CBFA2T2: variants seen among roughly 807,000 people sequenced by gnomAD.
CBFA2T2 encodes the protein CBFA2/RUNX1 partner transcriptional co-repressor 2.
In CBFA2T2, 11 loss-of-function variants were observed where a neutral mutation model predicts 62.2. The observed-to-expected ratio is 0.18, with a 90% confidence interval of 0.11 to 0.29. The LOEUF (loss-of-function observed/expected upper bound fraction) is 0.29, where lower values mean the gene tolerates loss of function less well. Ranked by LOEUF, CBFA2T2 falls within the 10% of genes least tolerant of loss-of-function variation. The pLI is 1.00. For missense variants in CBFA2T2, 592 were observed against 774.1 expected (o/e 0.76, Z 2.79); for synonymous variants, 295 against 287.5 (o/e 1.03, Z -0.27).
chr20:33,621,035 G>A (rs1443737212), intron 4 of CBFA2T2, among the ~76,000 whole-genome samples: 1 of 152,210 alleles, frequency 6.6e-6, no homozygotes, highest in East Asian at 1.9e-4. Flanking sequence ...GCATTTTGTT[G>A]TCACGTCTCT....
At position 33,629,849 on chromosome 20, in the gene CBFA2T2, G is replaced by A; in HGVS notation, c.1163G>A (p.Arg388Lys). 1 of 1,614,140 alleles carries A rather than the reference G, an allele frequency of 6.2e-7. No individual in the cohort carries two copies. The highest frequency in any genetic ancestry group is 1.6e-4 in the Middle Eastern group (1 of 6,062). The change falls in exon 8 of 11, where the codon AGG (arginine) becomes AAG (lysine). Residue 388 changes from arginine to lysine, a missense_variant. This residue lies in a region of CBFA2T2 where 449 missense variants were observed against 551.2 expected (regional missense o/e 0.81). Coordinates refer to ENST00000342704, the MANE Select transcript of CBFA2T2 (RefSeq NM_001032999.3). ...CGGTACAATGAAAACACAGAGCTGAGGAAAACGGGGACCGAGTTGGTCTCC... is the reference window on the plus strand; with the variant it reads ...CGGTACAATGAAAACACAGAGCTGAAGAAAACGGGGACCGAGTTGGTCTCC... ...KRRYNENTEL[R>K]KTGTELVSRQ...
At chr20:33,579,109 T>G (rs1380867371) in intron 1 of CBFA2T2, among the ~76,000 whole-genome samples, 2 of 148,290 alleles carry the variant, frequency 1.3e-5, no homozygotes, top group African/African-American at 2.5e-5. Context: ...TTGGGGGTTT[T>G]TTTTTGTTTT....
At chr20:33,503,256 T>TTC (rs201825926) in intron 1 of CBFA2T2, among the ~76,000 whole-genome samples, 13,443 of 80,712 alleles carry the variant, frequency 0.17, 689 homozygotes, top group African/African-American at 0.36. Context: ...CTTTCTTTCT[T>TTC]TTTTTTTTTT....
At chr20:33,515,625 A>G (rs749282123) in intron 1 of CBFA2T2, among the ~76,000 whole-genome samples, 1 of 151,716 alleles carries the variant, frequency 6.6e-6, no homozygotes, top group Non-Finnish European at 1.5e-5. Flanking sequence ...AACATGGCGA[A>G]ACCCTGTCTC....
At chr20:33,637,813 A>G (rs2016682484) in intron 9 of CBFA2T2, among the ~76,000 whole-genome samples, 1 of 151,694 alleles carries the variant, frequency 6.6e-6, no homozygotes, top group Admixed American at 6.6e-5. Context: ...GATTACAGGC[A>G]TGCACCACCA....
At chr20:33,623,889 A>G (rs1303980700) in intron 5 of CBFA2T2, 3 of 716,916 alleles carry the variant, frequency 4.2e-6, no homozygotes, top group East Asian at 5.4e-5. Context: ...TTATGGGTCG[A>G]CTGTTCCAGA....
chr20:33,506,489 T>C (rs1038461776), intron 1 of CBFA2T2, among the ~76,000 whole-genome samples: 5 of 152,190 alleles, frequency 3.3e-5, no homozygotes, highest in Non-Finnish European at 7.3e-5. Flanking sequence ...ATGGAGCTGT[T>C]AGATGCAGGG....
intron 1 of CBFA2T2, among the ~76,000 whole-genome samples, chr20:33,552,127 A>G (rs1261393036): frequency 6.6e-6 from 1 of 150,808 alleles, no homozygotes; most frequent in Admixed American, 6.6e-5. Flanking sequence ...TGTAATGCTC[A>G]GTGTGTGAAG....
intron 4 of CBFA2T2, 104 bp downstream of exon 4, chr20:33,619,710 T>C: frequency 1.3e-6 from 1 of 774,732 alleles, no homozygotes; most frequent in Non-Finnish European, 2.0e-6. Flanking sequence ...CGTTTTTAGA[T>C]CTTTATTTTG....
At chr20:33,536,341 G>A (rs1160960210) in intron 1 of CBFA2T2, among the ~76,000 whole-genome samples, 14 of 145,794 alleles carry the variant, frequency 9.6e-5, no homozygotes, top group Non-Finnish European at 1.9e-4. Context: ...GGCTGGCCGG[G>A]CAGAGGGGCT....
In CBFA2T2 at chr20:33,629,931, C is replaced by T. The variant is rs78316049; in HGVS notation, c.1228+17C>T. 14,818 of 1,581,180 alleles carry T rather than the reference C, an allele frequency of 9.4e-3. 112 individuals are homozygous for T. The highest frequency in any genetic ancestry group is 0.058 in the Middle Eastern group (310 of 5,368). ...TCAGCAATGGTAAGGGGAGAGTCTA[C>T]GGGAAACCCAAAATAAATGTCAGCC... On this transcript the variant is annotated intron_variant, in intron 8 of 10. Coordinates refer to ENST00000342704, the MANE Select transcript of CBFA2T2 (RefSeq NM_001032999.3).
intron 1 of CBFA2T2, among the ~76,000 whole-genome samples, chr20:33,525,254 C>T (rs531545685): frequency 8.6e-5 from 13 of 151,212 alleles, no homozygotes; most frequent in African/African-American, 2.7e-4. Context: ...GGCACAATCT[C>T]GGCTCACCAC....
intron 1 of CBFA2T2, 88 bp downstream of exon 1, chr20:33,490,389 C>A: frequency 8.5e-7 from 1 of 1,182,934 alleles, no homozygotes; most frequent in Non-Finnish European, 1.1e-6. Context: ...GCCCCGGGCG[C>A]GAGGCCGGGA....
At chr20:33,644,029 T>TC (rs1015191649) in intron 10 of CBFA2T2, among the ~76,000 whole-genome samples, 2 of 151,300 alleles carry the variant, frequency 1.3e-5, no homozygotes, top group Non-Finnish European at 2.9e-5. Context: ...AAAAGATGAG[T>TC]CCATGCCTTA....
At chr20:33,532,777 T>C (rs2012097938) in intron 1 of CBFA2T2, among the ~76,000 whole-genome samples, 2 of 152,214 alleles carry the variant, frequency 1.3e-5, no homozygotes. Context: ...CTGACAGGCC[T>C]AGGGGAATGT....
At chr20:33,584,411 G>A (rs533644939) in intron 1 of CBFA2T2, among the ~76,000 whole-genome samples, 1 of 151,498 alleles carries the variant, frequency 6.6e-6, no homozygotes, top group Admixed American at 6.6e-5. Context: ...GACTACAGGC[G>A]CCTGGCTAAT....
Position 33,621,467 on chromosome 20 carries a change from T to A in CBFA2T2, c.511-1648T>A, listed in dbSNP as rs796991761. ...ACGCGCCACCACACCCGGCTAATTT[T>A]TGTATTTATAGTAGAGACTATTAAT... On this transcript the variant is annotated intron_variant, in intron 4 of 10. Transcript: ENST00000342704. Among the ~76,000 whole-genome samples, 9 of 151,880 alleles carry A rather than the reference T, an allele frequency of 5.9e-5. No individual in the cohort carries two copies. In the East Asian group the frequency reaches 1.5e-3, roughly 26 times the overall value.
At chr20:33,524,311 A>T (rs1600927917) in intron 1 of CBFA2T2, among the ~76,000 whole-genome samples, 1 of 152,144 alleles carries the variant, frequency 6.6e-6, no homozygotes, top group African/African-American at 2.4e-5. Flanking sequence ...GAAAGAAAGA[A>T]AAGTTCAGTC....
intron 9 of CBFA2T2, among the ~76,000 whole-genome samples, chr20:33,638,278 C>T (rs1601114955): frequency 6.6e-6 from 1 of 151,964 alleles, no homozygotes; most frequent in African/African-American, 2.4e-5. Flanking sequence ...TGTAATGTGC[C>T]CAGCCACAAG....
Sources: gnomAD v4.1 joint callset for allele counts (sites outside exome capture counted in the v4.1 genomes callset) on GRCh38, gnomAD v4.1.1 for gene constraint, gnomAD v4.1.1 regional missense constraint, MANE v1.5 for transcripts, NCBI Gene and HGNC (gene_info 2026-07-23, HGNC 2026-07-21) for gene names.